The following LNPEP variants were observed in gnomAD, a reference collection of about 807,000 sequenced individuals.
LNPEP encodes the protein leucyl-cystinyl aminopeptidase.
LNPEP carries 64 observed loss-of-function variants against 120.6 expected under a neutral mutation model. That is an observed-to-expected ratio of 0.53 (90% CI 0.43 to 0.65). The LOEUF (loss-of-function observed/expected upper bound fraction) is 0.65. LNPEP is among the 30% of genes least tolerant of loss of function. LNPEP has a pLI of 0.00. For synonymous variants in LNPEP, 435 were observed against 425.4 expected, an observed-to-expected ratio of 1.02 and a Z score of -0.28; for missense variants, 1,057 against 1,200.0, an observed-to-expected ratio of 0.88 and a Z score of 1.76.
intron 1 of LNPEP, among the ~76,000 whole-genome samples, chr5:96,956,351 T>C (rs1789465420): frequency 6.6e-6 from 1 of 152,200 alleles, no homozygotes; most frequent in Non-Finnish European, 1.5e-5. Context: ...ACCCTGTCTC[T>C]GCCAAAAATA....
chr5:96,970,472 T>C (rs536916937), intron 1 of LNPEP, among the ~76,000 whole-genome samples: 4 of 152,188 alleles, frequency 2.6e-5, no homozygotes, highest in Admixed American at 2.6e-4. Context: ...TTTCTTGCTG[T>C]TTTGTCCCCA....
At chr5:96,988,826 C>G (rs1790305954) in intron 4 of LNPEP, among the ~76,000 whole-genome samples, 1 of 151,830 alleles carries the variant, frequency 6.6e-6, no homozygotes, top group Admixed American at 6.6e-5. Flanking sequence ...GTTGCTCAGG[C>G]CAGCTTAAAC....
At chr5:96,977,451 A>G (rs1790023846) in intron 1 of LNPEP, among the ~76,000 whole-genome samples, 1 of 152,054 alleles carries the variant, frequency 6.6e-6, no homozygotes, top group South Asian at 2.1e-4. Context: ...ATACTCAGGA[A>G]TGGTATTTAG....
chr5:96,959,988 G>A (rs1789561294), intron 1 of LNPEP, among the ~76,000 whole-genome samples: 1 of 145,198 alleles, frequency 6.9e-6, no homozygotes, highest in Non-Finnish European at 1.5e-5. Flanking sequence ...GCCCAGGCTG[G>A]AGTGCAATGG....
chr5:96,957,092 T>G (rs1171781696), intron 1 of LNPEP, among the ~76,000 whole-genome samples: 1 of 152,236 alleles, frequency 6.6e-6, no homozygotes, highest in African/African-American at 2.4e-5. Flanking sequence ...CGCTTTAAAG[T>G]ATTCAATAAT....
intron 15 of LNPEP, among the ~76,000 whole-genome samples, chr5:97,025,952 G>A (rs1791328696): frequency 6.6e-6 from 1 of 152,048 alleles, no homozygotes; most frequent in South Asian, 2.1e-4. Context: ...CTTGGAGTGG[G>A]GCGTGGTTTC....
chr5:97,016,816 T>C (rs1005890734), intron 13 of LNPEP, among the ~76,000 whole-genome samples: 1 of 152,154 alleles, frequency 6.6e-6, no homozygotes, highest in Admixed American at 6.5e-5. Context: ...AGCTTACTCA[T>C]CTCTTTAGGG....
At chr5:96,953,421 G>A (rs965439536) in intron 1 of LNPEP, among the ~76,000 whole-genome samples, 1 of 152,160 alleles carries the variant, frequency 6.6e-6, no homozygotes, top group Non-Finnish European at 1.5e-5. Flanking sequence ...TAGCACCTAA[G>A]ACTTGCTTAA....
intron 6 of LNPEP, among the ~76,000 whole-genome samples, chr5:96,995,178 C>T (rs1462987365): frequency 1.3e-5 from 2 of 152,156 alleles, no homozygotes; most frequent in East Asian, 3.9e-4. Context: ...TCTGAAGCCA[C>T]CCATCACCAT....
At chr5:96,937,536 A>G (rs934831351) in intron 1 of LNPEP, 1 of 152,220 alleles carries the variant, frequency 6.6e-6, no homozygotes, top group African/African-American at 2.4e-5. Context: ...CTAGTACTTT[A>G]GTGTAAAATA....
At chr5:96,971,345 TTGTGTGTGTGTGTGTGTG>T (rs3076561) in intron 1 of LNPEP, among the ~76,000 whole-genome samples, 5 of 142,824 alleles carry the variant, frequency 3.5e-5, no homozygotes, top group African/African-American at 1.3e-4. Context: ...ACATTATTAT[TTGTGTGTGTGTGTGTGTG>T]TGTGTGTGTG....
intron 13 of LNPEP, among the ~76,000 whole-genome samples, chr5:97,017,471 T>A (rs1299734451): frequency 6.6e-6 from 1 of 152,122 alleles, no homozygotes; most frequent in Admixed American, 6.6e-5. Context: ...AGTTTTAAAT[T>A]TTAATGTAAT....
At position 96,962,487 on chromosome 5, in the gene LNPEP, C is replaced by T. The variant is rs1019551897; in HGVS notation, c.20-16651C>T. 3.9e-4 allele frequency among the ~76,000 whole-genome samples: 59 copies of T among 152,134 alleles called. 1 individual carries two copies. Among genetic ancestry groups the T allele is most frequent in the Admixed American group, 2.9e-3 (44 of 15,276 alleles). On this transcript the variant is annotated intron_variant, in intron 1 of 17. Transcript: ENST00000231368. ...AAATGCTTTTACATATCATTTAATT[C>T]GTATAACTCAATGAGATAGATAATA...
intron 4 of LNPEP, 69 bp from the exon 5 acceptor site, chr5:96,992,946 A>G: frequency 2.6e-6 from 3 of 1,144,792 alleles, no homozygotes; most frequent in South Asian, 1.6e-5. Flanking sequence ...TAGTCTTGAC[A>G]GTGCTACTTG....
At chr5:96,981,127 C>T (rs1561439822) in intron 2 of LNPEP, among the ~76,000 whole-genome samples, 1 of 152,022 alleles carries the variant, frequency 6.6e-6, no homozygotes, top group African/African-American at 2.4e-5. Context: ...GAAATACATC[C>T]CTTAATTACT....
At chr5:96,945,113 C>T (rs972441257) in intron 1 of LNPEP, among the ~76,000 whole-genome samples, 1 of 151,796 alleles carries the variant, frequency 6.6e-6, no homozygotes, top group African/African-American at 2.4e-5. Context: ...AAAAAAAGAC[C>T]TGGGGTGGTG....
chr5:97,001,617 T>A (rs944953928), intron 8 of LNPEP, among the ~76,000 whole-genome samples: 6 of 151,666 alleles, frequency 4.0e-5, no homozygotes, highest in Non-Finnish European at 8.8e-5. Flanking sequence ...AGAAAAGGGG[T>A]CCAAAGATCA....
At chr5:96,937,189 C>T (rs1788925250) in intron 1 of LNPEP, 1 of 152,196 alleles carries the variant, frequency 6.6e-6, no homozygotes, top group South Asian at 2.1e-4. Context: ...ATAGGGGCCA[C>T]AGTCTATATC....
Position 97,026,717 on chromosome 5 carries a change from T to C in LNPEP, c.2824T>C (p.Trp942Arg). 6.2e-7 allele frequency: 1 copy of C among 1,613,652 alleles called. No individual in the cohort carries two copies. Among genetic ancestry groups the C allele is most frequent in the Non-Finnish European group, 8.5e-7 (1 of 1,179,554 alleles). ...GRHFPGHLLA[W>R]DFVKENWNKL... ...ACATTTTCCTGGACACTTACTGGCA[T>C]GGGATTTTGTCAAAGAGAACTGGAA... is the stretch of plus-strand genomic sequence containing the variant. The change falls in exon 16 of 18, where the codon TGG becomes CGG. Residue 942 changes from tryptophan to arginine, a missense_variant. Transcript: ENST00000231368.
Sources: allele counts gnomAD v4.1 joint callset (sites outside exome capture counted in the v4.1 genomes callset), GRCh38; gene constraint gnomAD v4.1.1; transcripts MANE v1.5; gene names NCBI Gene and HGNC (gene_info 2026-07-23, HGNC 2026-07-21).